CECR2: variants seen among roughly 807,000 people sequenced by gnomAD.
CECR2 encodes CECR2 histone acetyl-lysine reader.
In CECR2, 30 loss-of-function variants were observed where a neutral mutation model predicts 154.5. The observed-to-expected ratio is 0.19, with a 90% confidence interval of 0.15 to 0.26. CECR2 has a LOEUF of 0.26. CECR2 is among the 10% of genes least tolerant of loss of function. The pLI is 1.00. For missense variants in CECR2, 1,743 were observed against 1,829.3 expected (o/e 0.95, Z 0.86); for synonymous variants, 725 against 683.7 (o/e 1.06, Z -0.94).
intron 1 of CECR2, among the ~76,000 whole-genome samples, chr22:17,470,591 C>T (rs574458312): frequency 6.6e-6 from 1 of 152,062 alleles, no homozygotes; most frequent in Non-Finnish European, 1.5e-5. Flanking sequence ...TCTGTTTATC[C>T]GTTAAAGATA....
chr22:17,435,344 A>G (rs774945511), intron 1 of CECR2, among the ~76,000 whole-genome samples: 1 of 152,206 alleles, frequency 6.6e-6, no homozygotes, highest in Non-Finnish European at 1.5e-5. Flanking sequence ...TCAGATTGAC[A>G]GTCCATGAAC....
chr22:17,400,696 C>T (rs1372438161), intron 1 of CECR2, among the ~76,000 whole-genome samples: 1 of 152,144 alleles, frequency 6.6e-6, no homozygotes, highest in Non-Finnish European at 1.5e-5. Context: ...GCTGCTTATC[C>T]AGGTAATTGG....
intron 1 of CECR2, among the ~76,000 whole-genome samples, chr22:17,451,732 C>T (rs1403724757): frequency 6.6e-6 from 1 of 152,158 alleles, no homozygotes; most frequent in Non-Finnish European, 1.5e-5. Flanking sequence ...CATCCTTCAC[C>T]AGTTACAACT....
intron 1 of CECR2, among the ~76,000 whole-genome samples, chr22:17,371,624 CA>C (rs2063062159): frequency 6.6e-6 from 1 of 152,136 alleles, no homozygotes; most frequent in South Asian, 2.1e-4. Flanking sequence ...ATCCTGCAGT[CA>C]AAATGGTGGC....
At chr22:17,422,266 C>T (rs1042311481) in intron 1 of CECR2, among the ~76,000 whole-genome samples, 7 of 152,140 alleles carry the variant, frequency 4.6e-5, no homozygotes, top group South Asian at 2.1e-4. Context: ...GGCGCGATCT[C>T]GGCTCACTGC....
intron 8 of CECR2, among the ~76,000 whole-genome samples, chr22:17,515,965 A>G (rs972342132): frequency 5.3e-5 from 8 of 152,136 alleles, no homozygotes; most frequent in Admixed American, 1.3e-4. Context: ...GTGAGCCACC[A>G]CGCCCGGCCA....
rs5844311 is a variant in CECR2 at position 17,447,652 on chromosome 22, T to TAAA, written c.127-29926_127-29924dup. On this transcript the variant is annotated intron_variant, in intron 1 of 18. Transcript: ENST00000262608. ...TGCCTGAGTCCCATGCCCAGAGACT[T>TAAA]AAAAAAAAAAAAGAAAAGCCGGGGG... Among the ~76,000 whole-genome samples the TAAA allele has an allele frequency of 2.3e-3, 314 of 134,234 alleles. 1 individual carries two copies. The highest frequency in any genetic ancestry group is 8.0e-3 in the African/African-American group (303 of 37,712). 88.1% of individuals were successfully genotyped at this position (134,234 alleles called of 152,430 possible).
chr22:17,525,561 G>A (rs149306292), intron 9 of CECR2, among the ~76,000 whole-genome samples: 16 of 152,194 alleles, frequency 1.1e-4, no homozygotes, highest in Admixed American at 2.6e-4. Context: ...AGCCGAGATC[G>A]TGCTACTGCA....
At chr22:17,441,271 C>T (rs191891656) in intron 1 of CECR2, among the ~76,000 whole-genome samples, 87 of 152,078 alleles carry the variant, frequency 5.7e-4, no homozygotes, top group African/African-American at 2.1e-3. Context: ...TAAAATGATG[C>T]GTGTTGAGGG....
chr22:17,361,293 C>G (rs575163945), intron 1 of CECR2, among the ~76,000 whole-genome samples: 1 of 152,258 alleles, frequency 6.6e-6, no homozygotes, highest in South Asian at 2.1e-4. Context: ...TTGAGACCAG[C>G]CTGGCCAACA....
At chr22:17,507,273 G>A (rs994381440) in intron 7 of CECR2, among the ~76,000 whole-genome samples, 10 of 152,190 alleles carry the variant, frequency 6.6e-5, no homozygotes, top group South Asian at 2.1e-4. Context: ...CAAGACTTCC[G>A]CCGTCCTGGA....
chr22:17,526,544 C>T (rs1441257969), intron 9 of CECR2, among the ~76,000 whole-genome samples: 1 of 152,148 alleles, frequency 6.6e-6, no homozygotes, highest in African/African-American at 2.4e-5. Context: ...GGCGTGACGA[C>T]TTATGCCTGT....
rs188301251 is a variant in CECR2 at position 17,386,233 on chromosome 22, G to A, written c.126+16324G>A. Among the ~76,000 whole-genome samples the A allele has an allele frequency of 2.4e-3, 364 of 152,264 alleles. 1 individual carries two copies. Among genetic ancestry groups the A allele is most frequent in the African/African-American group, 8.4e-3 (347 of 41,542 alleles). ...AGGGGTCAAAGATGACTTCGGAGAA[G>A]GGATTTGAGTTACTCTGACCGGAGA... On this transcript the variant is annotated intron_variant, in intron 1 of 18. Coordinates refer to ENST00000262608, the MANE Select transcript of CECR2 (RefSeq NM_001290047.2).
chr22:17,410,593 G>A (rs2054054030), intron 1 of CECR2, among the ~76,000 whole-genome samples: 1 of 151,616 alleles, frequency 6.6e-6, no homozygotes, highest in Non-Finnish European at 1.5e-5. Flanking sequence ...GACTACAGGC[G>A]CACGCCACCA....
intron 1 of CECR2, among the ~76,000 whole-genome samples, chr22:17,446,647 T>C (rs1383166662): frequency 1.3e-5 from 2 of 151,898 alleles, no homozygotes; most frequent in African/African-American, 4.8e-5. Context: ...ACCTGGGAGG[T>C]GGAGCTTACA....
chr22:17,369,599 G>C lies in CECR2; in HGVS notation c.-185G>C, dbSNP rs2063029954. ...CCTCAGTAGTTCGGGCCCCCGCGCC[G>C]CCGCCCCCCGCCCGGCGCCCGCCCT... On this transcript the variant is annotated 5_prime_UTR_variant, in exon 1 of 19. Coordinates refer to ENST00000262608, the MANE Select transcript of CECR2 (RefSeq NM_001290047.2). 6.8e-6 allele frequency: 1 copy of C among 146,842 alleles called. No individual in the cohort carries two copies. Among genetic ancestry groups the C allele is most frequent in the Non-Finnish European group, 1.5e-5 (1 of 65,876 alleles). 9.1% of individuals were successfully genotyped at this position (146,842 alleles called of 1,614,324 possible). A position where few individuals can be genotyped will look rare whatever the true frequency, so the allele number is the denominator to read the frequency against.
rs695634 is a variant in CECR2, at chr22:17,532,700, C to CTTTTTTTTTTTTTTTT, written c.1109-4383_1109-4368dup. Among the ~76,000 whole-genome samples the CTTTTTTTTTTTTTTTT allele has an allele frequency of 7.8e-4, 28 of 35,792 alleles. 7 individuals carry two copies. Among genetic ancestry groups the CTTTTTTTTTTTTTTTT allele is most frequent in the African/African-American group, 1.0e-3 (9 of 8,578 alleles). 23.5% of individuals were successfully genotyped at this position (35,792 alleles called of 152,430 possible). On this transcript the variant is annotated intron_variant, in intron 9 of 18. Coordinates refer to ENST00000262608, the MANE Select transcript of CECR2 (RefSeq NM_001290047.2). ...CCAAGTAGGTATATTCATTATTATT[C>CTTTTTTTTTTTTTTTT]TTTTTTTTTTTTTTTTTTTTTTTTT...
intron 2 of CECR2, among the ~76,000 whole-genome samples, chr22:17,486,509 T>C (rs955530478): frequency 6.6e-6 from 1 of 152,176 alleles, no homozygotes; most frequent in African/African-American, 2.4e-5. Flanking sequence ...GGACGCCCCT[T>C]GCGGCTTGGA....
At chr22:17,470,694 A>G (rs542226402) in intron 1 of CECR2, among the ~76,000 whole-genome samples, 5 of 151,436 alleles carry the variant, frequency 3.3e-5, no homozygotes, top group African/African-American at 1.2e-4. Flanking sequence ...CAAAACCCTT[A>G]CTGACTGTGT....
Sources: gnomAD v4.1 joint callset for allele counts (sites outside exome capture counted in the v4.1 genomes callset) on GRCh38, gnomAD v4.1.1 for gene constraint, MANE v1.5 for transcripts, NCBI Gene and HGNC (gene_info 2026-07-23, HGNC 2026-07-21) for gene names.